MAN1A1: variants seen among roughly 807,000 people sequenced by gnomAD.
MAN1A1 encodes mannosyl-oligosaccharide 1,2-alpha-mannosidase IA.
A neutral mutation model predicts 70.8 loss-of-function variants in MAN1A1; 29 were observed. The observed-to-expected ratio is 0.41, with a 90% CI of 0.31 to 0.56. The LOEUF is 0.56. Among genes scored for constraint, MAN1A1 ranks in the 20% least tolerant of loss-of-function variants. The probability of loss-of-function intolerance (pLI) is 0.29; values close to 1 mark genes in which losing one functional copy is unlikely to be tolerated. For missense variants in MAN1A1, 747 were observed against 841.3 expected, an observed-to-expected ratio of 0.89 and a Z score of 1.39; for synonymous variants, 349 against 330.1, an observed-to-expected ratio of 1.06 and a Z score of -0.62.
intron 5 of MAN1A1, among the ~76,000 whole-genome samples, chr6:119,282,349 T>A (rs570223914): frequency 3.3e-4 from 51 of 152,340 alleles, no homozygotes; most frequent in African/African-American, 1.2e-3. Context: ...AGAACAGATC[T>A]GAGTTAAGGG....
At chr6:119,255,979 T>G (rs1775447388) in intron 5 of MAN1A1, among the ~76,000 whole-genome samples, 1 of 152,238 alleles carries the variant, frequency 6.6e-6, no homozygotes, top group Non-Finnish European at 1.5e-5. Flanking sequence ...TTTTCTCCCC[T>G]GTGATTCAAT....
intron 5 of MAN1A1, among the ~76,000 whole-genome samples, chr6:119,272,127 TAG>T (rs1775941517): frequency 6.6e-6 from 1 of 152,238 alleles, no homozygotes; most frequent in South Asian, 2.1e-4. Flanking sequence ...CTATCATGAA[TAG>T]TCTTATATTT....
chr6:119,180,055 A>AT (rs1340508903), intron 12 of MAN1A1, 110 bp from the exon 13 acceptor site: 19 of 1,201,644 alleles, frequency 1.6e-5, no homozygotes, highest in Admixed American at 7.7e-5. Flanking sequence ...ACCAAGAAAC[A>AT]TGGACAAGAG....
chr6:119,243,753 G>C (rs1291299887), intron 6 of MAN1A1, among the ~76,000 whole-genome samples: 1 of 152,030 alleles, frequency 6.6e-6, no homozygotes, highest in Non-Finnish European at 1.5e-5. Flanking sequence ...ATTTTCATCA[G>C]ATAATTAGAA....
chr6:119,204,698 G>A (rs1773808626), intron 7 of MAN1A1, 61 bp downstream of exon 7: 2 of 1,587,464 alleles, frequency 1.3e-6, no homozygotes, highest in African/African-American at 2.7e-5. Context: ...AACCTTCTCA[G>A]AGACAATACT....
intron 6 of MAN1A1, among the ~76,000 whole-genome samples, chr6:119,207,872 G>A (rs1401499507): frequency 6.6e-6 from 1 of 151,936 alleles, no homozygotes; most frequent in Non-Finnish European, 1.5e-5. Context: ...GGTGAGGCTG[G>A]GCCAAAAACG....
chr6:119,201,158 C>T (rs1773703095), intron 8 of MAN1A1, 96 bp downstream of exon 8: 3 of 892,942 alleles, frequency 3.4e-6, no homozygotes, highest in Non-Finnish European at 5.4e-6. Context: ...CTTTTCTAAA[C>T]ATTTCTCAAC....
rs1772404819 is a variant in MAN1A1, at chr6:119,302,002, A to G, written c.802T>C (p.Leu268=). Residue 268 remains leucine (L), a synonymous_variant, in exon 4 of 13, where the codon TTA becomes CTA. Transcript: ENST00000368468. ...ATTTAACTTACCACATTAAAATCTA[A>G]ATTTTCTTCAACCCATGATTTTGCT... The part of the protein sequence containing the change: ...EEAKSWVEEN[L]DFNVNAEISV... 6.4e-7 allele frequency: 1 copy of G among 1,566,808 alleles called. No homozygotes were observed. Among genetic ancestry groups the G allele is most frequent in the Non-Finnish European group, 8.8e-7 (1 of 1,139,452 alleles).
intron 5 of MAN1A1, among the ~76,000 whole-genome samples, chr6:119,289,630 G>C (rs1776478702): frequency 6.6e-6 from 1 of 151,780 alleles, no homozygotes; most frequent in Admixed American, 6.6e-5. Flanking sequence ...ACTAAAACAG[G>C]AGAGATATAG....
chr6:119,221,749 G>A (rs1048081973), intron 6 of MAN1A1, among the ~76,000 whole-genome samples: 23 of 151,852 alleles, frequency 1.5e-4, no homozygotes, highest in Non-Finnish European at 3.1e-4. Context: ...CACTGCGCCC[G>A]GCCTCAGAGA....
intron 4 of MAN1A1, among the ~76,000 whole-genome samples, chr6:119,297,042 T>C (rs6909928): frequency 0.33 from 50,244 of 152,174 alleles, 8,757 homozygotes; most frequent in Non-Finnish European, 0.36. Context: ...AGAAGATAGT[T>C]TTCAATATTT....
chr6:119,274,781 A>G (rs571544486), intron 5 of MAN1A1, among the ~76,000 whole-genome samples: 1 of 152,300 alleles, frequency 6.6e-6, no homozygotes, highest in East Asian at 1.9e-4. Context: ...CTGTCTTTAT[A>G]TATATTGAAA....
At chr6:119,192,987 T>G (rs1773480040) in intron 9 of MAN1A1, among the ~76,000 whole-genome samples, 1 of 152,182 alleles carries the variant, frequency 6.6e-6, no homozygotes, top group African/African-American at 2.4e-5. Context: ...GCTTGCAAAT[T>G]AGTAAATGAA....
intron 5 of MAN1A1, among the ~76,000 whole-genome samples, chr6:119,287,434 C>G (rs978889112): frequency 1.3e-5 from 2 of 152,042 alleles, no homozygotes; most frequent in Non-Finnish European, 2.9e-5. Context: ...ATATTTTACA[C>G]GTTTTGCACT....
intron 6 of MAN1A1, among the ~76,000 whole-genome samples, chr6:119,242,335 G>T (rs547372789): frequency 5.3e-5 from 8 of 152,076 alleles, no homozygotes; most frequent in Admixed American, 2.6e-4. Flanking sequence ...CTATAGGTTG[G>T]ATCCCAAATA....
At chr6:119,263,302 T>C (rs572043805) in intron 5 of MAN1A1, among the ~76,000 whole-genome samples, 4 of 152,258 alleles carry the variant, frequency 2.6e-5, no homozygotes, top group South Asian at 2.1e-4. Context: ...TCTACAGATA[T>C]ATAGTTCTGT....
At chr6:119,273,449 T>C (rs987761825) in intron 5 of MAN1A1, among the ~76,000 whole-genome samples, 4 of 152,200 alleles carry the variant, frequency 2.6e-5, no homozygotes, top group Admixed American at 6.5e-5. Context: ...GCATAAATTT[T>C]AATGGCTGCA....
intron 6 of MAN1A1, among the ~76,000 whole-genome samples, chr6:119,207,578 C>T (rs1172591839): frequency 1.3e-5 from 2 of 152,170 alleles, no homozygotes; most frequent in Non-Finnish European, 1.5e-5. Flanking sequence ...GAAATGGCTG[C>T]CTCCTGTCTT....
intron 5 of MAN1A1, among the ~76,000 whole-genome samples, chr6:119,249,919 C>T (rs1367781078): frequency 1.3e-5 from 2 of 152,088 alleles, no homozygotes; most frequent in East Asian, 3.9e-4. Flanking sequence ...GGTTGACAGT[C>T]AATTTAGATA....
Sources: gnomAD v4.1 joint callset for allele counts (sites outside exome capture counted in the v4.1 genomes callset) on GRCh38, gnomAD v4.1.1 for gene constraint, MANE v1.5 for transcripts, NCBI Gene and HGNC (gene_info 2026-07-23, HGNC 2026-07-21) for gene names.